FBLN2: variants seen among roughly 807,000 people sequenced by gnomAD.
The protein encoded by FBLN2 is fibulin-2.
FBLN2 carries 81 observed loss-of-function variants against 123.7 expected under a neutral mutation model. The ratio of observed to expected loss-of-function variants is 0.65; its 90% CI spans 0.55 to 0.79. FBLN2 has a LOEUF of 0.79. Ranked by LOEUF, FBLN2 falls within the 30% of genes least tolerant of loss-of-function variation. The pLI is 0.00. For synonymous variants in FBLN2, 699 were observed against 701.4 expected (o/e 1.00, Z 0.05); for missense variants, 1,603 against 1,681.3 (o/e 0.95, Z 0.81).
At chr3:13,613,719 AG>A (rs1384721092) in intron 4 of FBLN2, among the ~76,000 whole-genome samples, 4 of 152,332 alleles carry the variant, frequency 2.6e-5, no homozygotes, top group South Asian at 2.1e-4. Context: ...AGTAAACATG[AG>A]GGGATAATGA....
intron 4 of FBLN2, 93 bp from the exon 5 acceptor site, chr3:13,613,891 T>C (rs1705486956): frequency 7.4e-7 from 1 of 1,355,908 alleles, no homozygotes; most frequent in Admixed American, 2.3e-5. Context: ...GATAAGATAA[T>C]GGTGAATTCA....
At chr3:13,562,676 A>G (rs1703646080) in intron 1 of FBLN2, among the ~76,000 whole-genome samples, 1 of 152,150 alleles carries the variant, frequency 6.6e-6, no homozygotes, top group African/African-American at 2.4e-5. Flanking sequence ...GCTTGAGTGC[A>G]CAGCTCAGTG....
chr3:13,629,725 A>T, intron 13 of FBLN2, 95 bp from the exon 14 acceptor site: 1 of 1,470,416 alleles, frequency 6.8e-7, no homozygotes, highest in Admixed American at 2.5e-5. Context: ...TCCCTCTCCC[A>T]CTTAGCCTCC....
In FBLN2 at chr3:13,562,441, C is replaced by T. The variant is rs138701538; in HGVS notation, c.-41-7874C>T. ...GAGCGATCTTGGCTCACTGCAACCT[C>T]CACCTCCTGGGTTCAAGCAATTCTC... On this transcript the variant is annotated intron_variant, in intron 1 of 17. Coordinates refer to ENST00000404922, the MANE Select transcript of FBLN2 (RefSeq NM_001004019.2). 9.6e-3 allele frequency among the ~76,000 whole-genome samples: 1,458 copies of T among 151,328 alleles called. 24 individuals carry two copies. The highest frequency in any genetic ancestry group is 0.033 in the African/African-American group (1,361 of 41,200).
rs749753503 is a variant in FBLN2, at chr3:13,570,349, C to T, written c.-7C>T. 6.5e-7 allele frequency: 1 copy of T among 1,542,710 alleles called. No individual in the cohort carries two copies. The highest frequency in any genetic ancestry group is 2.0e-5 in the Admixed American group (1 of 50,868). ...GGAGAGGGGACCGTCCTGGGCTGGC[C>T]TGGACCATGGTGCTGCTCTGGGAGC... On this transcript the variant is annotated 5_prime_UTR_variant, in exon 2 of 18. Transcript: ENST00000404922.
At chr3:13,628,868 A>G (rs1382358565) in intron 11 of FBLN2, 37 bp from the exon 12 acceptor site, 19 of 1,602,274 alleles carry the variant, frequency 1.2e-5, no homozygotes, top group Non-Finnish European at 1.5e-5. Flanking sequence ...GGAGGACACC[A>G]TGCCGGGCTC....
intron 1 of FBLN2, among the ~76,000 whole-genome samples, chr3:13,549,794 C>T (rs1389197000): frequency 6.6e-6 from 1 of 152,096 alleles, no homozygotes; most frequent in African/African-American, 2.4e-5. Context: ...TCTCCCAGCC[C>T]CATGCTCACC....
At chr3:13,569,541 T>G (rs1703853937) in intron 1 of FBLN2, among the ~76,000 whole-genome samples, 1 of 142,910 alleles carries the variant, frequency 7.0e-6, no homozygotes, top group Non-Finnish European at 1.5e-5. Flanking sequence ...GCGGGGAGAA[T>G]GGACATGACT....
chr3:13,559,857 T>C (rs969056889), intron 1 of FBLN2, among the ~76,000 whole-genome samples: 3 of 152,110 alleles, frequency 2.0e-5, no homozygotes, highest in African/African-American at 7.2e-5. Flanking sequence ...GAGCAGACCA[T>C]GTGGAGCATG....
In FBLN2 at chr3:13,553,728, G is replaced by A. The variant is rs189966682; in HGVS notation, c.-42+4520G>A. Among the ~76,000 whole-genome samples, 67 of 152,324 alleles carry A rather than the reference G, an allele frequency of 4.4e-4. 2 individuals are homozygous for A. In the Middle Eastern group the frequency reaches 0.02, roughly 46 times the overall value. ...TGGGGAGCCTGGCTTTCCTGAGAGG[G>A]GCTGTATTGTAGGCGGCCAGTGCGT... On this transcript the variant is annotated intron_variant, in intron 1 of 17. Coordinates refer to ENST00000404922, the MANE Select transcript of FBLN2 (RefSeq NM_001004019.2).
chr3:13,576,385 T>G (rs1280536735), intron 2 of FBLN2, among the ~76,000 whole-genome samples: 2 of 152,212 alleles, frequency 1.3e-5, no homozygotes, highest in African/African-American at 4.8e-5. Context: ...CATCTCTGCC[T>G]TCCCAGGGAT....
rs1029544626 is a variant in FBLN2 at position 13,578,206 on chromosome 3, A to G, written c.1306+6545A>G. Among the ~76,000 whole-genome samples, 10 of 152,304 alleles carry G rather than the reference A, an allele frequency of 6.6e-5. 1 individual carries two copies. In the East Asian group the frequency reaches 1.5e-3, roughly 24 times the overall value. Reference sequence around the variant, plus strand: ...AATAAAACCACTTTATTGAGATATTATTTGCATGTCATAAAGTCCCCACTT... The same window carrying G: ...AATAAAACCACTTTATTGAGATATTGTTTGCATGTCATAAAGTCCCCACTT... On this transcript the variant is annotated intron_variant, in intron 2 of 17. Coordinates refer to ENST00000404922, the MANE Select transcript of FBLN2 (RefSeq NM_001004019.2).
Position 13,559,724 on chromosome 3 carries a change from G to T in FBLN2, c.-42+10516G>T, listed in dbSNP as rs541599984. Among the ~76,000 whole-genome samples the T allele has an allele frequency of 5.3e-5, 8 of 152,352 alleles. No homozygotes were observed. In the South Asian group the frequency reaches 6.2e-4, roughly 12 times the overall value. On this transcript the variant is annotated intron_variant, in intron 1 of 17. Coordinates refer to ENST00000404922, the MANE Select transcript of FBLN2 (RefSeq NM_001004019.2). ...TATGTGCTTTTTTTGGTGGAGCTGG[G>T]TGTGTATTATCCATAGCTTTTTGCA...
At position 13,570,934 on chromosome 3, in the gene FBLN2, C is replaced by A; in HGVS notation, c.579C>A (p.Tyr193Ter). The change falls in exon 2 of 18, where the codon TAC becomes TAA. Residue 193 changes from tyrosine to a stop codon, truncating the protein, a stop_gained. Transcript: ENST00000404922. LOFTEE classifies it high-confidence loss of function. ...DAEEGDPERH[Y>*]EDPYSYDQEV... ...AGGAGGGTGACCCCGAGCGACACTACGAAGACCCCTACAGCTATGACCAGG... is the reference window on the plus strand; with the variant it reads ...AGGAGGGTGACCCCGAGCGACACTAAGAAGACCCCTACAGCTATGACCAGG... 1 of 1,612,882 alleles carries A rather than the reference C, an allele frequency of 6.2e-7. No homozygotes were observed. Among genetic ancestry groups the A allele is most frequent in the Non-Finnish European group, 8.5e-7 (1 of 1,179,614 alleles).
chr3:13,626,628 T>C (rs950964124), intron 10 of FBLN2, 49 bp downstream of exon 10: 24 of 1,493,634 alleles, frequency 1.6e-5, no homozygotes, highest in Non-Finnish European at 2.1e-5. Flanking sequence ...CCATGGCCAG[T>C]TTTGCCCCGC....
chr3:13,618,813 G>C (rs772920321), intron 6 of FBLN2, 91 bp from the exon 7 acceptor site: 30 of 831,184 alleles, frequency 3.6e-5, no homozygotes, highest in Non-Finnish European at 5.5e-5. Context: ...TCAGTGCCCT[G>C]TGTGAGAAGG....
chr3:13,620,905 G>A (rs1013209160), intron 8 of FBLN2, among the ~76,000 whole-genome samples: 3 of 152,216 alleles, frequency 2.0e-5, no homozygotes, highest in South Asian at 2.1e-4. Context: ...GGTACATGAC[G>A]TGGCAGTGAC....
At position 13,571,257 on chromosome 3, in the gene FBLN2, A is replaced by T. The variant is rs1436562530; in HGVS notation, c.902A>T (p.His301Leu). 1.3e-5 allele frequency: 20 copies of T among 1,568,464 alleles called. No homozygotes were observed. The highest frequency in any genetic ancestry group is 1.6e-5 in the Non-Finnish European group (19 of 1,157,332). ...AVTEQLAAGG[H>L]RGLDGLPTTA... ...ACTGAGCAGCTGGCAGCAGGTGGCC[A>T]CAGGGGGCTGGATGGGCTGCCCACT... The change falls in exon 2 of 18, where the codon CAC becomes CTC. Residue 301 changes from histidine (H) to leucine (L), a missense_variant. His to Leu is a moderately conservative substitution (Grantham distance 99). Coordinates refer to ENST00000404922, the MANE Select transcript of FBLN2 (RefSeq NM_001004019.2).
intron 16 of FBLN2, 24 bp downstream of exon 16, chr3:13,631,481 C>T (rs1418559746): frequency 1.9e-6 from 3 of 1,566,920 alleles, no homozygotes; most frequent in African/African-American, 2.7e-5. Context: ...CCCACACGCC[C>T]CCGCCTCCAT....
Sources: allele counts gnomAD v4.1 joint callset (sites outside exome capture counted in the v4.1 genomes callset), GRCh38; gene constraint gnomAD v4.1.1; transcripts MANE v1.5; gene names NCBI Gene and HGNC (gene_info 2026-07-23, HGNC 2026-07-21).